PNKD: variants seen among roughly 807,000 people sequenced by gnomAD.
PNKD encodes the protein probable thioesterase PNKD.
A neutral mutation model predicts 45.3 loss-of-function variants in PNKD; 36 were observed. The ratio of observed to expected loss-of-function variants is 0.80; its 90% CI spans 0.61 to 1.05. PNKD has a LOEUF of 1.05. PNKD is among the 50% of genes least tolerant of loss of function. PNKD has a pLI of 0.00. For synonymous variants in PNKD, 197 were observed against 210.1 expected, an observed-to-expected ratio of 0.94 and a Z score of 0.54; for missense variants, 511 against 506.6, an observed-to-expected ratio of 1.01 and a Z score of -0.08.
At chr2:218,304,140 C>T (rs766372298) in intron 2 of PNKD, among the ~76,000 whole-genome samples, 2 of 152,056 alleles carry the variant, frequency 1.3e-5, no homozygotes, top group Non-Finnish European at 2.9e-5. Flanking sequence ...TTGGGCCTGT[C>T]CACACAGCTC....
intron 2 of PNKD, among the ~76,000 whole-genome samples, chr2:218,301,955 G>A (rs1267277296): frequency 6.6e-6 from 1 of 152,218 alleles, no homozygotes; most frequent in Non-Finnish European, 1.5e-5. Flanking sequence ...CAGTCCAGTA[G>A]GGAAGGCAGG....
Position 218,340,201 on chromosome 2 carries a change from C to T in PNKD, c.465+60C>T. 9.4e-7 allele frequency: 1 copy of T among 1,065,856 alleles called. No individual in the cohort carries two copies. The highest frequency in any genetic ancestry group is 1.5e-6 in the Non-Finnish European group (1 of 687,236). 66.0% of individuals were successfully genotyped at this position (1,065,856 alleles called of 1,614,324 possible). On this transcript the variant is annotated intron_variant, in intron 4 of 9. Transcript: ENST00000273077. This position sits in a 1 kb window ranked among gnomAD's most constrained non-coding sequence, Gnocchi z 4.2. ...GTCACCTTGGGGACTGGCAGTTTCG[C>T]CTTGCTAGAGAGGGCTGACCCTTGT...
chr2:218,338,881 C>T (rs114463314), intron 2 of PNKD, among the ~76,000 whole-genome samples: 384 of 151,728 alleles, frequency 2.5e-3, no homozygotes, highest in African/African-American at 8.9e-3. Context: ...CAGCTTCACC[C>T]TCCCGGGCTC....
chr2:218,311,257 G>A (rs1165628468), intron 2 of PNKD, among the ~76,000 whole-genome samples: 2 of 152,174 alleles, frequency 1.3e-5, no homozygotes, highest in African/African-American at 4.8e-5. Context: ...AATTGAAGGG[G>A]GCCAGCCCCT....
chr2:218,342,377 G>A (rs1342992847), intron 7 of PNKD, among the ~76,000 whole-genome samples: 1 of 152,064 alleles, frequency 6.6e-6, no homozygotes, highest in Admixed American at 6.6e-5. Flanking sequence ...ACCAGACTGG[G>A]CAAAATAGCA....
intron 2 of PNKD, chr2:218,316,671 A>G (rs955746954): frequency 3.7e-4 from 56 of 152,328 alleles, no homozygotes; most frequent in African/African-American, 1.1e-3. Flanking sequence ...TGTTTTCTCT[A>G]AGAAGGATAT....
At chr2:218,306,880 A>C (rs1004805999) in intron 2 of PNKD, among the ~76,000 whole-genome samples, 18 of 152,254 alleles carry the variant, frequency 1.2e-4, no homozygotes, top group African/African-American at 4.3e-4. Flanking sequence ...TGACAAACAC[A>C]GATGCTTCCT....
chr2:218,333,467 T>C (rs1694388987), intron 2 of PNKD, among the ~76,000 whole-genome samples: 1 of 152,200 alleles, frequency 6.6e-6, no homozygotes, highest in South Asian at 2.1e-4. Context: ...TGGCTGAATT[T>C]GGGAAGGAAA....
At chr2:218,272,641 A>G (rs988131059) in intron 2 of PNKD, 15 of 1,614,042 alleles carry the variant, frequency 9.3e-6, no homozygotes, top group Non-Finnish European at 1.1e-5. Flanking sequence ...GACCGTGTGA[A>G]GCAGATGAAG....
intron 2 of PNKD, among the ~76,000 whole-genome samples, chr2:218,307,699 C>T (rs1378663066): frequency 6.6e-6 from 1 of 152,034 alleles, no homozygotes; most frequent in African/African-American, 2.4e-5. Flanking sequence ...GTGGGGCATC[C>T]AAGGGAGGCT....
At chr2:218,308,399 G>C (rs1693483251) in intron 2 of PNKD, among the ~76,000 whole-genome samples, 1 of 151,956 alleles carries the variant, frequency 6.6e-6, no homozygotes, top group African/African-American at 2.4e-5. Flanking sequence ...ATATTGGCCA[G>C]GCTGTTCTCA....
At chr2:218,305,253 C>G (rs1001441327) in intron 2 of PNKD, among the ~76,000 whole-genome samples, 1 of 152,114 alleles carries the variant, frequency 6.6e-6, no homozygotes. Context: ...ATGCATCAAG[C>G]CCAGTGCAAG....
chr2:218,340,987 C>G lies in PNKD; in HGVS notation c.524+201C>G. ...CACTCCATTGATCAAGCTTCTGAAG[C>G]CCCAGAGGGCAGGGCAGTCATTTCT... On this transcript the variant is annotated intron_variant, in intron 5 of 9. Transcript: ENST00000273077. The surrounding 1 kb of genome is among the most constrained non-coding windows in gnomAD (Gnocchi z 4.2). 1.6e-6 allele frequency: 1 copy of G among 624,528 alleles called. No homozygotes were observed. The highest frequency in any genetic ancestry group is 2.9e-6 in the Non-Finnish European group (1 of 348,562). The allele number at this position is 624,528 out of a possible 1,614,324, so 38.7% of individuals were successfully genotyped here. A position where few individuals can be genotyped will look rare whatever the true frequency, so the allele number is the denominator to read the frequency against.
intron 2 of PNKD, chr2:218,281,845 G>A (rs995166248): frequency 4.1e-6 from 4 of 980,414 alleles, no homozygotes; most frequent in Non-Finnish European, 6.2e-6. Flanking sequence ...GGATTTAAGG[G>A]AAACTAGAAG....
chr2:218,325,356 T>A (rs1293192425), intron 2 of PNKD, among the ~76,000 whole-genome samples: 1 of 151,494 alleles, frequency 6.6e-6, no homozygotes, highest in African/African-American at 2.4e-5. Flanking sequence ...TACAGGCACC[T>A]GCTACCATAC....
intron 2 of PNKD, among the ~76,000 whole-genome samples, chr2:218,295,620 G>A (rs1164156870): frequency 6.6e-6 from 1 of 152,028 alleles, no homozygotes; most frequent in Non-Finnish European, 1.5e-5. Context: ...GATGGGGGGT[G>A]GAGGGTGCAG....
intron 2 of PNKD, chr2:218,282,057 G>A: frequency 6.3e-7 from 1 of 1,599,722 alleles, no homozygotes. Flanking sequence ...AGGACAGATG[G>A]CTGCCCATAG....
intron 2 of PNKD, among the ~76,000 whole-genome samples, chr2:218,336,429 C>A (rs1182970971): frequency 6.6e-6 from 1 of 152,066 alleles, no homozygotes; most frequent in African/African-American, 2.4e-5. Flanking sequence ...ACATTTAACT[C>A]CTGTAGAATC....
At chr2:218,323,461 C>T in intron 2 of PNKD, 1 of 1,505,990 alleles carries the variant, frequency 6.6e-7, no homozygotes, top group Non-Finnish European at 8.8e-7. Context: ...AGCGTGCGGG[C>T]TCGGGAGGCG....
Sources: allele counts gnomAD v4.1 joint callset (sites outside exome capture counted in the v4.1 genomes callset), GRCh38; gene constraint gnomAD v4.1.1; non-coding constraint Gnocchi (gnomAD v3.1); transcripts MANE v1.5; gene names NCBI Gene and HGNC (gene_info 2026-07-23, HGNC 2026-07-21).